NKAIN2: variants seen among roughly 807,000 people sequenced by gnomAD.
NKAIN2 encodes sodium/potassium-transporting ATPase subunit beta-1-interacting protein 2.
Under a neutral mutation model 32.6 loss-of-function variants are expected in NKAIN2, and 14 were observed. The observed-to-expected ratio is 0.43, with a 90% CI of 0.28 to 0.67. The LOEUF (loss-of-function observed/expected upper bound fraction) is 0.67, where lower values mean the gene tolerates loss of function less well. Among genes scored for constraint, NKAIN2 ranks in the 30% least tolerant of loss-of-function variants. NKAIN2 has a pLI of 0.17. For missense variants in NKAIN2, 198 were observed against 258.3 expected (o/e 0.77, Z 1.60); for synonymous variants, 80 against 87.2 (o/e 0.92, Z 0.46).
At chr6:124,432,086 G>A (rs1775242683) in intron 3 of NKAIN2, among the ~76,000 whole-genome samples, 2 of 151,990 alleles carry the variant, frequency 1.3e-5, no homozygotes, top group Admixed American at 1.3e-4. Flanking sequence ...ATTTCAAAAA[G>A]GAGATATTGT....
chr6:124,574,665 G>A (rs1781260687), intron 3 of NKAIN2, among the ~76,000 whole-genome samples: 1 of 152,028 alleles, frequency 6.6e-6, no homozygotes, highest in South Asian at 2.1e-4. Flanking sequence ...AAAAACACCA[G>A]TGAAAATGGC....
intron 2 of NKAIN2, among the ~76,000 whole-genome samples, chr6:124,333,492 T>C (rs1412304885): frequency 6.6e-6 from 1 of 151,860 alleles, no homozygotes; most frequent in Non-Finnish European, 1.5e-5. Context: ...AAAACCAATC[T>C]CTACTAAAAA....
chr6:124,502,051 C>T (rs1778312858), intron 3 of NKAIN2, among the ~76,000 whole-genome samples: 1 of 152,038 alleles, frequency 6.6e-6, no homozygotes, highest in Non-Finnish European at 1.5e-5. Context: ...TTGGAGTGAG[C>T]CGAGATAGCA....
chr6:124,496,430 A>C (rs1427063754), intron 3 of NKAIN2, among the ~76,000 whole-genome samples: 1 of 152,170 alleles, frequency 6.6e-6, no homozygotes, highest in African/African-American at 2.4e-5. Flanking sequence ...AAGATTAATA[A>C]GTCATGGCAC....
intron 1 of NKAIN2, among the ~76,000 whole-genome samples, chr6:123,982,052 A>G (rs1344857282): frequency 6.6e-6 from 1 of 152,168 alleles, no homozygotes; most frequent in African/African-American, 2.4e-5. Flanking sequence ...GTCTAGCAAA[A>G]ATATTAATGC....
At chr6:124,162,426 T>A (rs1228037518) in intron 1 of NKAIN2, among the ~76,000 whole-genome samples, 1 of 152,096 alleles carries the variant, frequency 6.6e-6, no homozygotes, top group Non-Finnish European at 1.5e-5. Flanking sequence ...TTTGTTGGTA[T>A]TTTTTACCCT....
At chr6:123,962,961 CTGA>C (rs1777914369) in intron 1 of NKAIN2, among the ~76,000 whole-genome samples, 1 of 152,164 alleles carries the variant, frequency 6.6e-6, no homozygotes, top group Non-Finnish European at 1.5e-5. Flanking sequence ...CAGTAAGAAC[CTGA>C]CAATAGGTCA....
rs1162529828 is a variant in NKAIN2 at position 124,331,345 on chromosome 6, C to CAAAAAAAAAAAAAAAAAAAAAAAAAA, written c.193-23913_193-23888dup. ...TGAAACCCTGTCTCTACTAAATATA[C>CAAAAAAAAAAAAAAAAAAAAAAAAAA]AAAAAAAAAAAAAAAAAAAAAAAAA... On this transcript the variant is annotated intron_variant, in intron 2 of 6. Transcript: ENST00000368417. Among the ~76,000 whole-genome samples, 8 of 20,816 alleles carry CAAAAAAAAAAAAAAAAAAAAAAAAAA rather than the reference C, an allele frequency of 3.8e-4. 1 individual carries two copies. Among genetic ancestry groups the CAAAAAAAAAAAAAAAAAAAAAAAAAA allele is most frequent in the African/African-American group, 8.8e-4 (5 of 5,680 alleles). 13.7% of individuals were successfully genotyped at this position (20,816 alleles called of 152,430 possible).
intron 1 of NKAIN2, among the ~76,000 whole-genome samples, chr6:123,911,562 T>G (rs1248746689): frequency 6.6e-6 from 1 of 151,754 alleles, no homozygotes; most frequent in Non-Finnish European, 1.5e-5. Flanking sequence ...CCTTCAACAC[T>G]GGGGATCAGA....
Position 124,388,253 on chromosome 6 carries a change from G to A in NKAIN2, c.273+32906G>A, listed in dbSNP as rs548018854. ...TCAATTTCATTGACTTGGACATCAG[G>A]ACACTGTTAGGTTTATTTATTATAC... On this transcript the variant is annotated intron_variant, in intron 3 of 6. Coordinates refer to ENST00000368417, the MANE Select transcript of NKAIN2 (RefSeq NM_001040214.3). 3.3e-5 allele frequency among the ~76,000 whole-genome samples: 5 copies of A among 151,744 alleles called. No homozygotes were observed. In the South Asian group the frequency reaches 1.0e-3, roughly 32 times the overall value.
chr6:124,295,280 GT>G (rs1371925393), intron 2 of NKAIN2, among the ~76,000 whole-genome samples: 1 of 143,578 alleles, frequency 7.0e-6, no homozygotes, highest in Non-Finnish European at 1.5e-5. Context: ...CCTTTGTGTC[GT>G]TTTCCTTCTC....
chr6:124,406,652 C>T (rs1773871130), intron 3 of NKAIN2, among the ~76,000 whole-genome samples: 1 of 151,994 alleles, frequency 6.6e-6, no homozygotes, highest in African/African-American at 2.4e-5. Context: ...TTTAGCAAAA[C>T]TGCCAAGCAG....
chr6:124,777,393 A>T (rs1328104749), intron 4 of NKAIN2, among the ~76,000 whole-genome samples: 1 of 152,168 alleles, frequency 6.6e-6, no homozygotes, highest in Non-Finnish European at 1.5e-5. Flanking sequence ...TCCACTACCT[A>T]TTAGCAGGTG....
chr6:124,636,994 A>G (rs1376352742), intron 3 of NKAIN2, among the ~76,000 whole-genome samples: 2 of 152,054 alleles, frequency 1.3e-5, no homozygotes, highest in Non-Finnish European at 2.9e-5. Context: ...TCCTCAACAA[A>G]ATACTAGGAA....
intron 3 of NKAIN2, among the ~76,000 whole-genome samples, chr6:124,409,686 T>C (rs1376340772): frequency 1.3e-5 from 2 of 152,212 alleles, no homozygotes; most frequent in Non-Finnish European, 2.9e-5. Flanking sequence ...TAGGCTTTGG[T>C]ATCAGGATGA....
chr6:124,459,948 A>G (rs1776468522), intron 3 of NKAIN2, among the ~76,000 whole-genome samples: 1 of 151,274 alleles, frequency 6.6e-6, no homozygotes, highest in Non-Finnish European at 1.5e-5. Flanking sequence ...TTCTTTCCTT[A>G]TTTTCTCTTG....
At chr6:124,578,663 G>T (rs1034354132) in intron 3 of NKAIN2, among the ~76,000 whole-genome samples, 3 of 152,068 alleles carry the variant, frequency 2.0e-5, no homozygotes, top group Non-Finnish European at 4.4e-5. Context: ...CTGAAGGGAA[G>T]AAAACGGCAT....
In NKAIN2 at chr6:123,816,481, C is replaced by T. The variant is rs148242947; in HGVS notation, c.54+12227C>T. On this transcript the variant is annotated intron_variant, in intron 1 of 6. Transcript: ENST00000368417. The stretch of plus-strand genomic sequence containing the variant: ...GATTGCTAAACTGCTTCAAAGTCCC[C>T]GGTGAAATTAGGTGGCAAGCATTTG... 2.0e-4 allele frequency among the ~76,000 whole-genome samples: 30 copies of T among 152,160 alleles called. No homozygotes were observed. In the East Asian group the frequency reaches 2.7e-3, roughly 14 times the overall value.
intron 4 of NKAIN2, among the ~76,000 whole-genome samples, chr6:124,718,822 C>T (rs1040181913): frequency 6.6e-6 from 1 of 152,148 alleles, no homozygotes; most frequent in Non-Finnish European, 1.5e-5. Context: ...TGTCTATCTT[C>T]ACAGCCACCT....
Sources: allele counts gnomAD v4.1 joint callset (sites outside exome capture counted in the v4.1 genomes callset), GRCh38; gene constraint gnomAD v4.1.1; transcripts MANE v1.5; gene names NCBI Gene and HGNC (gene_info 2026-07-23, HGNC 2026-07-21).